PEX5: variants seen among roughly 807,000 people sequenced by gnomAD.
PEX5 encodes peroxisomal biogenesis factor 5, also known as PTS1 receptor.
A neutral mutation model predicts 82.9 loss-of-function variants in PEX5; 52 were observed. The ratio of observed to expected loss-of-function variants is 0.63; its 90% confidence interval spans 0.50 to 0.79. The LOEUF is 0.79. PEX5 is among the 30% of genes least tolerant of loss of function. PEX5 has a pLI of 0.00. For synonymous variants in PEX5, 300 were observed against 318.8 expected (o/e 0.94, Z 0.63); for missense variants, 719 against 815.2 (o/e 0.88, Z 1.44).
intron 17 of PEX5, among the ~76,000 whole-genome samples, chr12:7,217,409 C>T (rs1945810465): frequency 6.6e-6 from 1 of 152,230 alleles, no homozygotes; most frequent in South Asian, 2.1e-4. Flanking sequence ...TTCATGGGGC[C>T]ACCTGCCGTC....
At position 7,208,307 on chromosome 12, in the gene PEX5, C is replaced by T. The variant is rs1360507128; in HGVS notation, c.1182-150C>T. 4 of 747,298 alleles carry T rather than the reference C, an allele frequency of 5.4e-6. No individual in the cohort carries two copies. In the African/African-American group the frequency reaches 6.9e-5, roughly 13 times the overall value. The allele number at this position is 747,298 out of a possible 1,614,324, so 46.3% of individuals were successfully genotyped here. A position where few individuals can be genotyped will look rare whatever the true frequency, so the allele number is the denominator to read the frequency against. On this transcript the variant is annotated intron_variant, in intron 12 of 15. Coordinates refer to ENST00000675855, the MANE Select transcript of PEX5 (RefSeq NM_001351132.2). ...GCCTGCTAAAACCTTCCCCTTAGAT[C>T]TGTAACTTTATTATTAACTCATGTC...
intron 5 of PEX5, among the ~76,000 whole-genome samples, chr12:7,193,295 G>A (rs1941497958): frequency 6.8e-6 from 1 of 147,898 alleles, no homozygotes; most frequent in South Asian, 2.1e-4. Flanking sequence ...GTGCAGCGGT[G>A]CAATCTGTAC....
chr12:7,193,981 C>G (rs1941647440), intron 5 of PEX5, among the ~76,000 whole-genome samples: 1 of 152,112 alleles, frequency 6.6e-6, no homozygotes, highest in African/African-American at 2.4e-5. Context: ...CTTATTGCAG[C>G]AGTATATTGC....
chr12:7,198,217 C>G (rs935238725), intron 5 of PEX5, among the ~76,000 whole-genome samples: 2 of 152,138 alleles, frequency 1.3e-5, no homozygotes, highest in Non-Finnish European at 2.9e-5. Flanking sequence ...AAAAACATAG[C>G]TACTCAAAGA....
intron 15 of PEX5, 57 bp from the exon 16 acceptor site, chr12:7,209,965 C>T (rs367939667): frequency 3.1e-6 from 5 of 1,603,024 alleles, no homozygotes; most frequent in African/African-American, 1.3e-5. Context: ...GCTAGCTGAC[C>T]TGCTTCCTTC....
At chr12:7,202,177 A>G in intron 7 of PEX5, 64 bp from the exon 8 acceptor site, 2 of 1,612,374 alleles carry the variant, frequency 1.2e-6, no homozygotes, top group South Asian at 2.2e-5. Context: ...CCTCTTGGGC[A>G]TGGTTGAGAG....
At chr12:7,202,526 G>GT (rs1944222268) in intron 8 of PEX5, 86 bp from the exon 9 acceptor site, 2 of 1,393,724 alleles carry the variant, frequency 1.4e-6, no homozygotes, top group Non-Finnish European at 2.0e-6. Context: ...AAGTACCCAG[G>GT]TTGGTGGTGG....
upstream of PEX5, chr12:7,189,115 T>A (rs1158266379): frequency 6.6e-6 from 1 of 151,296 alleles, no homozygotes; most frequent in East Asian, 1.9e-4. Flanking sequence ...TATGCAGAGG[T>A]GGAGAGGGAT....
Position 7,209,279 on chromosome 12 carries a change from G to A in PEX5, c.1560+109G>A. On this transcript the variant is annotated intron_variant, in intron 14 of 15. Transcript: ENST00000675855. Reference sequence around the variant, plus strand: ...GCATGCCTGTAGTCCCAGCTACTTGGGAGGCTGAAGTGGGAGGATCACTTG... The same window carrying A: ...GCATGCCTGTAGTCCCAGCTACTTGAGAGGCTGAAGTGGGAGGATCACTTG... The A allele has an allele frequency of 2.7e-6, 3 of 1,123,190 alleles. No homozygotes were observed. In the East Asian group the frequency reaches 7.3e-5, roughly 27 times the overall value. 69.6% of individuals were successfully genotyped at this position (1,123,190 alleles called of 1,614,324 possible).
intron 2 of PEX5, 101 bp from the exon 3 acceptor site, chr12:7,190,787 T>TTTTA: frequency 7.5e-7 from 1 of 1,342,062 alleles, no homozygotes; most frequent in South Asian, 1.2e-5. Context: ...AATGCAACCA[T>TTTTA]TTTATAGATG....
chr12:7,204,328 TG>T (rs1349768284), intron 10 of PEX5, among the ~76,000 whole-genome samples: 1 of 152,166 alleles, frequency 6.6e-6, no homozygotes, highest in Non-Finnish European at 1.5e-5. Flanking sequence ...GAAAGTATTG[TG>T]GGGCTGGAAC....
chr12:7,198,035 C>T (rs1943079330), intron 5 of PEX5, among the ~76,000 whole-genome samples: 1 of 151,914 alleles, frequency 6.6e-6, no homozygotes, highest in Non-Finnish European at 1.5e-5. Flanking sequence ...TGCCCGCAGT[C>T]AGTCTCCTTG....
rs1275971850 is a variant in PEX5 at position 7,199,074 on chromosome 12, T to A, written c.512T>A (p.Leu171Gln). ...EEYLEQSEEKLWLGEPEGTAT... is the reference protein window; with the variant it reads ...EEYLEQSEEKQWLGEPEGTAT... The stretch of plus-strand genomic sequence containing the variant: ...TATTTGGAGCAATCAGAGGAGAAGC[T>A]GTGGCTGGGAGAACCTGAGGGAACA... Residue 171 changes from leucine (L) to glutamine (Q), a missense_variant, in exon 6 of 16, where the codon CTG becomes CAG. Coordinates refer to ENST00000675855, the MANE Select transcript of PEX5 (RefSeq NM_001351132.2). 1.2e-6 allele frequency: 2 copies of A among 1,609,478 alleles called. No homozygotes were observed. The highest frequency in any genetic ancestry group is 1.3e-5 in the African/African-American group (1 of 74,804).
chr12:7,202,748 C>A lies in PEX5; in HGVS notation c.846+44C>A, dbSNP rs1425237774. The A allele has an allele frequency of 3.8e-6, 5 of 1,321,264 alleles. No individual in the cohort carries two copies. In the East Asian group the frequency reaches 6.9e-5, roughly 18 times the overall value. The allele number at this position is 1,321,264 out of a possible 1,614,324, so 81.8% of individuals were successfully genotyped here. On this transcript the variant is annotated intron_variant, in intron 9 of 15. Coordinates refer to ENST00000675855, the MANE Select transcript of PEX5 (RefSeq NM_001351132.2). ...GGAGCAGACACCCCAAAAGAAAACA[C>A]TCCTTGGAGTGAGTGGGTGTATGAA...
downstream of PEX5, among the ~76,000 whole-genome samples, chr12:7,211,958 T>A (rs1170447304): frequency 9.1e-5 from 5 of 54,710 alleles, no homozygotes; most frequent in African/African-American, 3.1e-4. Context: ...AAAAAAAATT[T>A]TTTTTTTTTT....
Position 7,197,058 on chromosome 12 carries a change from T to C in PEX5, c.449-1953T>C. Among the ~76,000 whole-genome samples the C allele has an allele frequency of 4.3e-5, 2 of 46,828 alleles. 1 individual carries two copies. Among genetic ancestry groups the C allele is most frequent in the Admixed American group, 7.5e-4 (2 of 2,684 alleles). The allele number at this position is 46,828 out of a possible 152,430, so 30.7% of individuals were successfully genotyped here. A position where few individuals can be genotyped will look rare whatever the true frequency, so the allele number is the denominator to read the frequency against. ...ATGTCACATATAATGTAATTATATATGTCACATATAATGTAATTATATATG... is the reference window on the plus strand; with the variant it reads ...ATGTCACATATAATGTAATTATATACGTCACATATAATGTAATTATATATG... On this transcript the variant is annotated intron_variant, in intron 5 of 15. Coordinates refer to ENST00000675855, the MANE Select transcript of PEX5 (RefSeq NM_001351132.2).
In PEX5 at chr12:7,199,075, G is replaced by C; in HGVS notation, c.513G>C (p.Leu171=). 1 of 1,609,362 alleles carries C rather than the reference G, an allele frequency of 6.2e-7. No individual in the cohort carries two copies. The highest frequency in any genetic ancestry group is 8.5e-7 in the Non-Finnish European group (1 of 1,177,586). Residue 171 remains leucine (L), a synonymous_variant, in exon 6 of 16, where the codon CTG becomes CTC. Transcript: ENST00000675855. ...EEYLEQSEEK[L]WLGEPEGTAT... is the part of the protein sequence containing the mutation. ...ATTTGGAGCAATCAGAGGAGAAGCT[G>C]TGGCTGGGAGAACCTGAGGGAACAG...
chr12:7,189,771 GGGCCCGGGGCCGCGTCC>G (rs533080149), intron 1 of PEX5, 21 bp downstream of exon 1: 2 of 419,536 alleles, frequency 4.8e-6, no homozygotes, highest in Non-Finnish European at 7.1e-6. Context: ...GACCCCGAGG[GGGCCCGGGGCCGCGTCC>G]CTGGGCCCTC....
chr12:7,203,631 G>T, intron 10 of PEX5, 80 bp downstream of exon 10: 4 of 1,418,198 alleles, frequency 2.8e-6, no homozygotes, highest in Non-Finnish European at 3.9e-6. Context: ...GAATTTGAAG[G>T]GTGCTTTTAA....
Sources: gnomAD v4.1 joint callset for allele counts (sites outside exome capture counted in the v4.1 genomes callset) on GRCh38, gnomAD v4.1.1 for gene constraint, MANE v1.5 for transcripts, NCBI Gene and HGNC (gene_info 2026-07-23, HGNC 2026-07-21) for gene names.